TRAPPC9: variants seen among roughly 807,000 people sequenced by gnomAD.
TRAPPC9 encodes the protein trafficking protein particle complex subunit 9.
In TRAPPC9, 83 loss-of-function variants were observed where a neutral mutation model predicts 124.0. The observed-to-expected ratio is 0.67, with a 90% CI of 0.56 to 0.80. The LOEUF is 0.80. TRAPPC9 is among the 30% of genes least tolerant of loss of function. The probability of loss-of-function intolerance (pLI) is 0.00; values close to 1 mark genes in which losing one functional copy is unlikely to be tolerated. For missense variants in TRAPPC9, 1,302 were observed against 1,508.3 expected, an observed-to-expected ratio of 0.86 and a Z score of 2.27; for synonymous variants, 638 against 617.5, an observed-to-expected ratio of 1.03 and a Z score of -0.49.
chr8:140,376,826 G>A (rs201911817), intron 7 of TRAPPC9, among the ~76,000 whole-genome samples: 6 of 149,032 alleles, frequency 4.0e-5, no homozygotes, highest in African/African-American at 1.0e-4. Flanking sequence ...GCAGTGAACC[G>A]AGATCGCGCC....
intron 21 of TRAPPC9, among the ~76,000 whole-genome samples, chr8:139,824,591 C>T (rs996353436): frequency 2.0e-5 from 3 of 152,126 alleles, no homozygotes; most frequent in East Asian, 1.9e-4. Context: ...GACAGATTCT[C>T]GCTCTTTCAC....
At chr8:140,285,498 G>A (rs537697732) in intron 13 of TRAPPC9, among the ~76,000 whole-genome samples, 4 of 152,236 alleles carry the variant, frequency 2.6e-5, no homozygotes, top group African/African-American at 9.6e-5. Context: ...TAACGCAGCA[G>A]CCCCAATGCC....
chr8:140,406,291 A>G (rs550130360), intron 5 of TRAPPC9, among the ~76,000 whole-genome samples: 36 of 152,328 alleles, frequency 2.4e-4, no homozygotes, highest in Non-Finnish European at 4.6e-4. Context: ...CTCTGGCAGA[A>G]AAAAAATAAA....
intron 17 of TRAPPC9, among the ~76,000 whole-genome samples, chr8:140,156,671 T>C (rs1180289887): frequency 2.0e-5 from 3 of 152,182 alleles, no homozygotes; most frequent in Non-Finnish European, 4.4e-5. Flanking sequence ...AAACAGAAGA[T>C]GCAGCCTCAG....
intron 9 of TRAPPC9, among the ~76,000 whole-genome samples, chr8:140,318,951 A>T (rs947994519): frequency 6.6e-6 from 1 of 152,200 alleles, no homozygotes; most frequent in African/African-American, 2.4e-5. Context: ...AAAAGGACAC[A>T]AGGCCGTGGT....
chr8:140,239,052 G>T lies in TRAPPC9; in HGVS notation c.2431+13725C>A, dbSNP rs572719644. Among the ~76,000 whole-genome samples the T allele has an allele frequency of 3.9e-5, 6 of 152,298 alleles. No individual in the cohort carries two copies. The South Asian group carries it at 1.2e-3, about 32-fold the overall frequency. On this transcript the variant is annotated intron_variant, in intron 16 of 22. Coordinates refer to ENST00000438773, the MANE Select transcript of TRAPPC9 (RefSeq NM_001160372.4). ...TCACTGGGAAGAGGGAGCAGGCCCC[G>T]GAGAAAGCTGCTCCTTGGAGCAGCT...
intron 21 of TRAPPC9, among the ~76,000 whole-genome samples, chr8:139,863,244 G>A (rs1174826994): frequency 2.0e-5 from 3 of 152,232 alleles, no homozygotes; most frequent in Admixed American, 1.3e-4. Flanking sequence ...CCACAGGCGC[G>A]GTCCCTGTCT....
At chr8:139,767,650 C>T (rs910646570) in intron 21 of TRAPPC9, among the ~76,000 whole-genome samples, 1 of 152,168 alleles carries the variant, frequency 6.6e-6, no homozygotes, top group African/African-American at 2.4e-5. Context: ...GCCCCTCTGG[C>T]CAGGCCCAGA....
At chr8:139,753,863 G>A (rs1217426598) in intron 21 of TRAPPC9, among the ~76,000 whole-genome samples, 1 of 152,082 alleles carries the variant, frequency 6.6e-6, no homozygotes, top group South Asian at 2.1e-4. Context: ...CCCTCTCCTC[G>A]CCTGTGTTGT....
intron 17 of TRAPPC9, among the ~76,000 whole-genome samples, chr8:140,220,333 G>A (rs1028596906): frequency 4.6e-5 from 7 of 152,148 alleles, no homozygotes; most frequent in Non-Finnish European, 7.3e-5. Context: ...TGCATGTGCC[G>A]TGCAGTTGCA....
At chr8:140,099,154 CA>C (rs1204210574) in intron 17 of TRAPPC9, 1 of 151,898 alleles carries the variant, frequency 6.6e-6, no homozygotes, top group African/African-American at 2.4e-5. Flanking sequence ...CCGCAGTCCG[CA>C]GGGTACTGAC....
intron 5 of TRAPPC9, among the ~76,000 whole-genome samples, chr8:140,407,225 T>C (rs1042002344): frequency 2.6e-5 from 4 of 152,208 alleles, no homozygotes; most frequent in Admixed American, 2.0e-4. Context: ...TGACCCCAAG[T>C]AGGAGGCCAT....
intron 17 of TRAPPC9, among the ~76,000 whole-genome samples, chr8:140,194,715 G>A (rs2062594948): frequency 6.6e-6 from 1 of 152,152 alleles, no homozygotes; most frequent in South Asian, 2.1e-4. Context: ...TGTCTTTGAA[G>A]CTTTAAAATC....
At chr8:140,290,413 G>A (rs903060476) in intron 12 of TRAPPC9, among the ~76,000 whole-genome samples, 2 of 152,222 alleles carry the variant, frequency 1.3e-5, no homozygotes, top group Non-Finnish European at 2.9e-5. Context: ...AATCAGCTTA[G>A]AGCGCCAGTA....
intron 19 of TRAPPC9, among the ~76,000 whole-genome samples, chr8:139,921,937 C>A (rs1448558668): frequency 1.3e-5 from 2 of 150,692 alleles, no homozygotes; most frequent in African/African-American, 4.9e-5. Context: ...GCCCCCAACA[C>A]CAGCCTCATC....
chr8:140,131,284 A>G (rs192760278), intron 17 of TRAPPC9, among the ~76,000 whole-genome samples: 1 of 152,370 alleles, frequency 6.6e-6, no homozygotes, highest in East Asian at 1.9e-4. Flanking sequence ...GGTTCTTGAT[A>G]CATAAAGGAC....
At chr8:139,878,376 G>T (rs1271498569) in intron 21 of TRAPPC9, among the ~76,000 whole-genome samples, 1 of 152,208 alleles carries the variant, frequency 6.6e-6, no homozygotes, top group Non-Finnish European at 1.5e-5. Context: ...GATAGGGAAA[G>T]GCTGTTTTTT....
intron 14 of TRAPPC9, among the ~76,000 whole-genome samples, chr8:140,277,783 C>G (rs2065170920): frequency 6.6e-6 from 1 of 152,234 alleles, no homozygotes; most frequent in African/African-American, 2.4e-5. Flanking sequence ...GGGCAAGGGT[C>G]AGGTCCAGTC....
At chr8:139,778,321 C>T (rs1050217196) in intron 21 of TRAPPC9, among the ~76,000 whole-genome samples, 3 of 152,176 alleles carry the variant, frequency 2.0e-5, no homozygotes, top group African/African-American at 7.2e-5. Flanking sequence ...ATAACTGTTT[C>T]TGAGTAATTT....
Sources: allele counts gnomAD v4.1 joint callset (sites outside exome capture counted in the v4.1 genomes callset), GRCh38; gene constraint gnomAD v4.1.1; transcripts MANE v1.5; gene names NCBI Gene and HGNC (gene_info 2026-07-23, HGNC 2026-07-21).